ULK4: variants seen among roughly 807,000 people sequenced by gnomAD.
ULK4 encodes the protein inactive serine/threonine-protein kinase ULK4.
A neutral mutation model predicts 160.6 loss-of-function variants in ULK4; 133 were observed. The observed-to-expected ratio is 0.83, with a 90% confidence interval of 0.72 to 0.96. ULK4 has a LOEUF of 0.96. Among genes scored for constraint, ULK4 ranks in the 40% least tolerant of loss-of-function variants. The probability of loss-of-function intolerance (pLI) is 0.00; values close to 1 mark genes in which losing one functional copy is unlikely to be tolerated. For synonymous variants in ULK4, 534 were observed against 539.8 expected (o/e 0.99, Z 0.15); for missense variants, 1,580 against 1,499.5 (o/e 1.05, Z -0.89).
intron 17 of ULK4, among the ~76,000 whole-genome samples, chr3:41,874,539 T>C (rs1050853401): frequency 1.3e-5 from 2 of 152,258 alleles, no homozygotes; most frequent in East Asian, 1.9e-4. Context: ...CATGAGGACA[T>C]AGAATGTAAA....
Position 41,373,746 on chromosome 3 carries a change from C to G in ULK4, c.3678+24333G>C, listed in dbSNP as rs530519063. 2.4e-4 allele frequency among the ~76,000 whole-genome samples: 37 copies of G among 152,146 alleles called. 1 individual carries two copies. The highest frequency in any genetic ancestry group is 1.6e-3 in the Admixed American group (24 of 15,286). The stretch of plus-strand genomic sequence containing the variant: ...AAAGAACTAGAGAAGCAAGAGCAAA[C>G]AAATTCAAAAGCTAGCAGAAGGCAA... On this transcript the variant is annotated intron_variant, in intron 35 of 36. Transcript: ENST00000301831.
At chr3:41,624,172 C>T (rs1349913875) in intron 30 of ULK4, among the ~76,000 whole-genome samples, 1 of 152,120 alleles carries the variant, frequency 6.6e-6, no homozygotes, top group South Asian at 2.1e-4. Flanking sequence ...CTCAAAACCA[C>T]GAACAACTTC....
intron 35 of ULK4, among the ~76,000 whole-genome samples, chr3:41,276,513 G>A (rs959277807): frequency 2.0e-5 from 3 of 152,204 alleles, no homozygotes; most frequent in Non-Finnish European, 2.9e-5. Context: ...AAGAATAAAA[G>A]CTCAAGACAG....
chr3:41,868,804 T>C (rs540583336), intron 17 of ULK4, among the ~76,000 whole-genome samples: 33 of 151,992 alleles, frequency 2.2e-4, no homozygotes, highest in Admixed American at 4.6e-4. Context: ...CTAGGTCTTT[T>C]TTTTCCCCCC....
At chr3:41,914,444 A>C (rs1698900360) in intron 8 of ULK4, among the ~76,000 whole-genome samples, 1 of 152,236 alleles carries the variant, frequency 6.6e-6, no homozygotes, top group Non-Finnish European at 1.5e-5. Context: ...GTGGGAGGGA[A>C]GGAGCTTTCT....
chr3:41,722,184 T>C (rs1211138985), intron 22 of ULK4, among the ~76,000 whole-genome samples: 1 of 152,190 alleles, frequency 6.6e-6, no homozygotes. Flanking sequence ...AAACTTGGGA[T>C]ACTGCTTTCT....
intron 35 of ULK4, among the ~76,000 whole-genome samples, chr3:41,374,681 A>G (rs773799694): frequency 3.7e-4 from 56 of 152,358 alleles, no homozygotes; most frequent in Admixed American, 2.3e-3. Flanking sequence ...AGCCAATATT[A>G]CACTGTATGG....
intron 17 of ULK4, among the ~76,000 whole-genome samples, chr3:41,840,673 A>G (rs1263686503): frequency 2.0e-5 from 3 of 152,160 alleles, no homozygotes; most frequent in Admixed American, 6.5e-5. Context: ...CGCTCACTCA[A>G]TGCTCAGTGT....
At chr3:41,883,417 G>A (rs1424452976) in intron 17 of ULK4, among the ~76,000 whole-genome samples, 2 of 152,144 alleles carry the variant, frequency 1.3e-5, no homozygotes, top group African/African-American at 2.4e-5. Context: ...CCCAGTTCAA[G>A]GGATAAAACT....
intron 34 of ULK4, among the ~76,000 whole-genome samples, chr3:41,446,869 A>G (rs2083308853): frequency 6.6e-6 from 1 of 151,918 alleles, no homozygotes; most frequent in Non-Finnish European, 1.5e-5. Context: ...ATAAAACTTA[A>G]AGCATAATAA....
chr3:41,315,013 C>T (rs563333482), intron 35 of ULK4, among the ~76,000 whole-genome samples: 2 of 152,200 alleles, frequency 1.3e-5, no homozygotes, highest in Admixed American at 6.5e-5. Context: ...TTTAAAATTA[C>T]TTATAAATTC....
At chr3:41,567,759 G>A (rs2087834810) in intron 31 of ULK4, among the ~76,000 whole-genome samples, 1 of 151,934 alleles carries the variant, frequency 6.6e-6, no homozygotes, top group Admixed American at 6.6e-5. Context: ...CACCACGCCT[G>A]GCATTTAACA....
At chr3:41,429,588 A>C (rs1407470615) in intron 34 of ULK4, among the ~76,000 whole-genome samples, 1 of 152,224 alleles carries the variant, frequency 6.6e-6, no homozygotes, top group African/African-American at 2.4e-5. Flanking sequence ...TGTCCTTTGC[A>C]GGAACATGGA....
intron 18 of ULK4, among the ~76,000 whole-genome samples, chr3:41,824,961 C>T (rs1448811659): frequency 6.6e-6 from 1 of 152,192 alleles, no homozygotes; most frequent in Non-Finnish European, 1.5e-5. Context: ...TCCTCTGAGA[C>T]AAAACTTCCA....
intron 35 of ULK4, among the ~76,000 whole-genome samples, chr3:41,264,936 C>T (rs987338757): frequency 6.6e-6 from 1 of 152,196 alleles, no homozygotes; most frequent in Non-Finnish European, 1.5e-5. Flanking sequence ...AGTGAATCCC[C>T]AGTGTGGAAG....
intron 34 of ULK4, among the ~76,000 whole-genome samples, chr3:41,426,510 C>A (rs1242849881): frequency 1.3e-5 from 2 of 152,154 alleles, no homozygotes; most frequent in Non-Finnish European, 2.9e-5. Context: ...AAGTTGATCA[C>A]ATAATCTGAA....
At chr3:41,662,951 T>C (rs928623491) in intron 30 of ULK4, among the ~76,000 whole-genome samples, 50 of 150,362 alleles carry the variant, frequency 3.3e-4, no homozygotes, top group Admixed American at 3.3e-3. Flanking sequence ...CCGGGCGGGG[T>C]GGCTCATGAC....
intron 34 of ULK4, among the ~76,000 whole-genome samples, chr3:41,410,797 AG>A (rs1426983862): frequency 2.0e-5 from 3 of 152,220 alleles, no homozygotes; most frequent in African/African-American, 7.2e-5. Context: ...ACCTACCACC[AG>A]GGACAGGGAA....
intron 22 of ULK4, among the ~76,000 whole-genome samples, chr3:41,753,942 A>G (rs1308478917): frequency 6.6e-6 from 1 of 152,208 alleles, no homozygotes; most frequent in East Asian, 1.9e-4. Flanking sequence ...AGGAGGATGG[A>G]GTGAGTGCCA....
Sources: allele counts gnomAD v4.1 joint callset (sites outside exome capture counted in the v4.1 genomes callset), GRCh38; gene constraint gnomAD v4.1.1; transcripts MANE v1.5; gene names NCBI Gene and HGNC (gene_info 2026-07-23, HGNC 2026-07-21).